CTRC: variants seen among roughly 807,000 people sequenced by gnomAD.
The protein encoded by CTRC is chymotrypsin-C.
Under a neutral mutation model 35.7 loss-of-function variants are expected in CTRC, and 32 were observed. The ratio of observed to expected loss-of-function variants is 0.90; its 90% CI spans 0.68 to 1.20. The LOEUF (loss-of-function observed/expected upper bound fraction) is 1.20. Among genes scored for constraint, CTRC ranks in the 50% most tolerant of loss-of-function variants. The pLI is 0.00. For missense variants in CTRC, 324 were observed against 361.5 expected (o/e 0.90, Z 0.84); for synonymous variants, 119 against 149.5 (o/e 0.80, Z 1.49).
In CTRC at chr1:15,448,964, G is replaced by A. The variant is rs1353954675; in HGVS notation, c.*2375G>A. On this transcript the variant is annotated 3_prime_UTR_variant, in exon 8 of 8. Transcript: ENST00000375949. The stretch of plus-strand genomic sequence containing the variant: ...CTAACATTTATTGGGCACTTAGTAT[G>A]TGCCAAGCACTATCCTATAGGTTTT... 1 of 152,166 alleles carries A rather than the reference G, an allele frequency of 6.6e-6. No homozygotes were observed. The highest frequency in any genetic ancestry group is 1.5e-5 in the Non-Finnish European group (1 of 68,038). The allele number at this position is 152,166 out of a possible 1,614,324, so 9.4% of individuals were successfully genotyped here. A position where few individuals can be genotyped will look rare whatever the true frequency, so the allele number is the denominator to read the frequency against.
At chr1:15,440,222 A>G in intron 1 of CTRC, 78 bp from the exon 2 acceptor site, 1 of 644,286 alleles carries the variant, frequency 1.6e-6, no homozygotes, top group Non-Finnish European at 2.9e-6. Flanking sequence ...TGCTTCTTCC[A>G]CCTGCCCACC....
chr1:15,446,494 C>A, intron 7 of CTRC, 81 bp from the exon 8 acceptor site: 1 of 1,464,834 alleles, frequency 6.8e-7, no homozygotes, highest in Non-Finnish European at 9.6e-7. Context: ...CCCCCATGGA[C>A]CCACCCTCCG....
intron 2 of CTRC, 22 bp from the exon 3 acceptor site, chr1:15,440,471 A>G: frequency 6.2e-7 from 1 of 1,613,300 alleles, no homozygotes; most frequent in Non-Finnish European, 8.5e-7. Flanking sequence ...GCTGACACAC[A>G]GCCCTCCCCA....
In CTRC at chr1:15,443,522, C is replaced by G. The variant is rs770799055; in HGVS notation, c.460C>G (p.Pro154Ala). 6.2e-7 allele frequency: 1 copy of G among 1,614,226 alleles called. No homozygotes were observed. Among genetic ancestry groups the G allele is most frequent in the Non-Finnish European group, 8.5e-7 (1 of 1,180,048 alleles). ...EKDSLLPKDY[P>A]CYVTGWGRLW... ...GGACTCCCTGCTCCCCAAGGACTACCCCTGCTATGTCACCGGCTGGGGCCG... is the reference window on the plus strand; with the variant it reads ...GGACTCCCTGCTCCCCAAGGACTACGCCTGCTATGTCACCGGCTGGGGCCG... The change falls in exon 5 of 8, where the codon CCC becomes GCC. Residue 154 changes from proline to alanine, a missense_variant. Transcript: ENST00000375949.
intron 6 of CTRC, 43 bp from the exon 7 acceptor site, chr1:15,445,554 T>TGG: frequency 6.5e-7 from 1 of 1,546,428 alleles, no homozygotes. Flanking sequence ...AGACTTCCTC[T>TGG]GGGGGGGGGC....
chr1:15,442,316 C>G, intron 3 of CTRC, 131 bp from the exon 4 acceptor site: 1 of 1,222,542 alleles, frequency 8.2e-7, no homozygotes, highest in South Asian at 1.3e-5. Context: ...CTTCCCCTCA[C>G]CCTGGGAAAG....
Position 15,447,685 on chromosome 1 carries a change from C to G in CTRC, c.*1096C>G, listed in dbSNP as rs891217751. The G allele has an allele frequency of 1.3e-5, 2 of 152,724 alleles. No individual in the cohort carries two copies. The highest frequency in any genetic ancestry group is 4.8e-5 in the African/African-American group (2 of 41,470). 9.5% of individuals were successfully genotyped at this position (152,724 alleles called of 1,614,324 possible). ...TTCTGTGGGGGTGCCCCCAGCCCAG[C>G]CTCTGGACCCCTCGCTGGAGAGCCC... On this transcript the variant is annotated 3_prime_UTR_variant, in exon 8 of 8. Coordinates refer to ENST00000375949, the MANE Select transcript of CTRC (RefSeq NM_007272.3).
chr1:15,439,816 A>G (rs1329232066), intron 1 of CTRC, among the ~76,000 whole-genome samples: 2 of 152,166 alleles, frequency 1.3e-5, no homozygotes, highest in African/African-American at 2.4e-5. Flanking sequence ...ATCTCGGCTC[A>G]CTGCAACCTC....
chr1:15,440,134 C>A (rs1285456556), intron 1 of CTRC, among the ~76,000 whole-genome samples, 166 bp from the exon 2 acceptor site: 1 of 152,204 alleles, frequency 6.6e-6, no homozygotes, highest in Non-Finnish European at 1.5e-5. Context: ...AAAGGGAAAA[C>A]AAGGCCTAGA....
chr1:15,448,164 C>G lies in CTRC; in HGVS notation c.*1575C>G, dbSNP rs1255032820. 7.2e-6 allele frequency: 1 copy of G among 138,304 alleles called. No individual in the cohort carries two copies. Among genetic ancestry groups the G allele is most frequent in the Non-Finnish European group, 1.6e-5 (1 of 64,226 alleles). The allele number at this position is 138,304 out of a possible 1,614,324, so 8.6% of individuals were successfully genotyped here. On this transcript the variant is annotated 3_prime_UTR_variant, in exon 8 of 8. Coordinates refer to ENST00000375949, the MANE Select transcript of CTRC (RefSeq NM_007272.3). Reference sequence around the variant, plus strand: ...TAATCTAAACTTCATTCCCACCTATCCTCTTCTTTTTTTTTTTTTTTTTTT... The same window carrying G: ...TAATCTAAACTTCATTCCCACCTATGCTCTTCTTTTTTTTTTTTTTTTTTT...
chr1:15,445,840 A>G, intron 7 of CTRC, 91 bp downstream of exon 7: 1 of 1,421,274 alleles, frequency 7.0e-7, no homozygotes. Flanking sequence ...TCATGCGTTT[A>G]TTCATTCATT....
Position 15,447,739 on chromosome 1 carries a change from A to G in CTRC, c.*1150A>G, listed in dbSNP as rs1267939711. The G allele has an allele frequency of 1.3e-5, 2 of 152,410 alleles. No individual in the cohort carries two copies. Among genetic ancestry groups the G allele is most frequent in the African/African-American group, 4.8e-5 (2 of 41,460 alleles). 9.4% of individuals were successfully genotyped at this position (152,410 alleles called of 1,614,324 possible). ...GCTGCAGCTACCTCAGACTGGCCCA[A>G]GAGTTGTCCCTTTTCTCCACCAGAC... On this transcript the variant is annotated 3_prime_UTR_variant, in exon 8 of 8. Transcript: ENST00000375949.
chr1:15,443,349 G>C (rs41303875), intron 4 of CTRC, 70 bp from the exon 5 acceptor site: 4 of 1,600,930 alleles, frequency 2.5e-6, no homozygotes, highest in South Asian at 1.1e-5. Flanking sequence ...CTCACAGCCC[G>C]AGCCCCTTAG....
intron 1 of CTRC, 75 bp from the exon 2 acceptor site, chr1:15,440,225 T>TTG: frequency 1.6e-6 from 1 of 608,668 alleles, no homozygotes. Context: ...TTCTTCCACC[T>TTG]GCCCACCCTC....
At chr1:15,439,290 G>A (rs1012442104) in intron 1 of CTRC, among the ~76,000 whole-genome samples, 5 of 152,002 alleles carry the variant, frequency 3.3e-5, no homozygotes, top group Non-Finnish European at 4.4e-5. Flanking sequence ...GCCAGGCGTG[G>A]TGGCGGGCAC....
intron 5 of CTRC, 109 bp from the exon 6 acceptor site, chr1:15,444,497 C>A: frequency 7.3e-7 from 1 of 1,368,722 alleles, no homozygotes; most frequent in Non-Finnish European, 1.0e-6. Context: ...ACTGTCTCAG[C>A]CGGCGCTCCC....
At chr1:15,440,153 T>C (rs1016975090) in intron 1 of CTRC, 147 bp from the exon 2 acceptor site, 4 of 724,096 alleles carry the variant, frequency 5.5e-6, no homozygotes, top group Non-Finnish European at 5.0e-6. Flanking sequence ...GAGACCTGGG[T>C]GGCTTACCCC....
chr1:15,447,104 C>T lies in CTRC; in HGVS notation c.*515C>T, dbSNP rs1708234096. 3 of 254,294 alleles carry T rather than the reference C, an allele frequency of 1.2e-5. No homozygotes were observed. In the South Asian group the frequency reaches 1.4e-4, roughly 12 times the overall value. 15.8% of individuals were successfully genotyped at this position (254,294 alleles called of 1,614,324 possible). A position where few individuals can be genotyped will look rare whatever the true frequency, so the allele number is the denominator to read the frequency against. Reference sequence around the variant, plus strand: ...CCAGGCCACAGGAGGATGGCCAAAGCTCAGGGACAACCACTCCTGGGGAAG... The same window carrying T: ...CCAGGCCACAGGAGGATGGCCAAAGTTCAGGGACAACCACTCCTGGGGAAG... On this transcript the variant is annotated 3_prime_UTR_variant, in exon 8 of 8. Coordinates refer to ENST00000375949, the MANE Select transcript of CTRC (RefSeq NM_007272.3).
At chr1:15,444,917 G>C (rs939084602) in intron 6 of CTRC, among the ~76,000 whole-genome samples, 166 bp downstream of exon 6, 1 of 152,184 alleles carries the variant, frequency 6.6e-6, no homozygotes, top group African/African-American at 2.4e-5. Flanking sequence ...ACTGTGGTGA[G>C]AGCATGAGCA....
Sources: gnomAD v4.1 joint callset for allele counts (sites outside exome capture counted in the v4.1 genomes callset) on GRCh38, gnomAD v4.1.1 for gene constraint, MANE v1.5 for transcripts, NCBI Gene and HGNC (gene_info 2026-07-23, HGNC 2026-07-21) for gene names.